NWD2: variants seen among roughly 807,000 people sequenced by gnomAD.
NWD2 encodes the protein NACHT and WD repeat domain containing 2.
In NWD2, 37 loss-of-function variants were observed where a neutral mutation model predicts 132.7. The observed-to-expected ratio is 0.28, with a 90% CI of 0.21 to 0.37. The LOEUF is 0.37. NWD2 is among the 10% of genes least tolerant of loss of function. The pLI is 1.00. For missense variants in NWD2, 1,592 were observed against 2,122.4 expected, an observed-to-expected ratio of 0.75 and a Z score of 4.91; for synonymous variants, 705 against 803.0, an observed-to-expected ratio of 0.88 and a Z score of 2.06.
rs763958665 is a variant in NWD2, at chr4:37,444,402, C to T, written c.2414C>T (p.Ser805Phe). Residue 805 changes from serine (S) to phenylalanine (F), a missense_variant, in exon 7 of 7, where the codon TCC (serine) becomes TTC (phenylalanine). By Grantham distance (155) the Ser-to-Phe change is radical. Coordinates refer to ENST00000309447, the MANE Select transcript of NWD2 (RefSeq NM_001144990.2). This position sits in a 1 kb window ranked among gnomAD's most constrained non-coding sequence, Gnocchi z 4.8. ...EEEKHFMEQA[S>F]FDRQAPDQPW... The stretch of plus-strand genomic sequence containing the variant: ...GAAAAGCACTTCATGGAACAGGCTT[C>T]CTTTGACAGGCAGGCTCCAGACCAG... 1 of 1,552,160 alleles carries T rather than the reference C, an allele frequency of 6.4e-7. No individual in the cohort carries two copies. Among genetic ancestry groups the T allele is most frequent in the Admixed American group, 2.0e-5 (1 of 51,004 alleles).
At chr4:37,441,881 A>T (rs1390371167) in intron 6 of NWD2, among the ~76,000 whole-genome samples, 1 of 152,148 alleles carries the variant, frequency 6.6e-6, no homozygotes, top group Non-Finnish European at 1.5e-5. Flanking sequence ...CATGACCATG[A>T]GCTCGTGATG....
chr4:37,333,492 G>A (rs1719335768), intron 2 of NWD2, among the ~76,000 whole-genome samples: 1 of 152,192 alleles, frequency 6.6e-6, no homozygotes, highest in Non-Finnish European at 1.5e-5. Context: ...CAAGGCAGAA[G>A]AGCCACGTGT....
In NWD2 at chr4:37,289,415, T is replaced by C. The variant is rs144920289; in HGVS notation, c.152-36521T>C. ...ATTTTATGATAAAAACTTTCAAAATTACAGGAAAGTTGAAAGAATTGTACA... is the reference window on the plus strand; with the variant it reads ...ATTTTATGATAAAAACTTTCAAAATCACAGGAAAGTTGAAAGAATTGTACA... On this transcript the variant is annotated intron_variant, in intron 1 of 6. Transcript: ENST00000309447. Among the ~76,000 whole-genome samples, 81 of 152,332 alleles carry C rather than the reference T, an allele frequency of 5.3e-4. No homozygotes were observed. In the East Asian group the frequency reaches 0.013, roughly 25 times the overall value.
At chr4:37,336,315 G>A (rs1473686395) in intron 2 of NWD2, among the ~76,000 whole-genome samples, 1 of 152,126 alleles carries the variant, frequency 6.6e-6, no homozygotes, top group African/African-American at 2.4e-5. Context: ...AATTATTAAT[G>A]AGGCATTTTA....
chr4:37,390,843 C>T (rs1464152143), intron 3 of NWD2, among the ~76,000 whole-genome samples: 1 of 152,160 alleles, frequency 6.6e-6, no homozygotes, highest in East Asian at 1.9e-4. Flanking sequence ...TATTTTATTT[C>T]ATTTTTGGAA....
intron 3 of NWD2, among the ~76,000 whole-genome samples, chr4:37,419,585 A>G (rs1257572002): frequency 6.6e-6 from 1 of 152,230 alleles, no homozygotes; most frequent in Non-Finnish European, 1.5e-5. Context: ...AAGTGGGCAA[A>G]GGATATAAAC....
At chr4:37,339,326 T>C (rs1229996167) in intron 2 of NWD2, among the ~76,000 whole-genome samples, 1 of 152,246 alleles carries the variant, frequency 6.6e-6, no homozygotes, top group Admixed American at 6.5e-5. Flanking sequence ...TTCTGCTGCC[T>C]GGAATGGCTC....
intron 3 of NWD2, among the ~76,000 whole-genome samples, chr4:37,378,436 T>G (rs1401967312): frequency 6.6e-6 from 1 of 152,230 alleles, no homozygotes; most frequent in Non-Finnish European, 1.5e-5. Context: ...TGTCAGTTGT[T>G]GTCCATTTTG....
At chr4:37,429,981 G>C (rs1219163414) in intron 3 of NWD2, among the ~76,000 whole-genome samples, 3 of 152,158 alleles carry the variant, frequency 2.0e-5, no homozygotes, top group African/African-American at 7.2e-5. Context: ...TAAAGGCTGA[G>C]TACATATTTG....
intron 3 of NWD2, among the ~76,000 whole-genome samples, chr4:37,395,946 G>T (rs964177238): frequency 4.6e-5 from 7 of 151,880 alleles, no homozygotes; most frequent in Non-Finnish European, 8.8e-5. Context: ...GATAGCACCT[G>T]TCTGAGATGT....
Position 37,446,543 on chromosome 4 carries a change from C to T in NWD2, c.4555C>T (p.Leu1519Phe), listed in dbSNP as rs1712641065. ...TGAAGTGATCTGTCGGCGCGTGCAA[C>T]TTCCAAACAACTTCTTGAAAAATCT... is the stretch of plus-strand genomic sequence containing the variant. Reference protein sequence around the residue: ...TDEVICRRVQLPNNFLKNLED... With the variant: ...TDEVICRRVQFPNNFLKNLED... The change falls in exon 7 of 7, where the codon CTT (leucine) becomes TTT (phenylalanine). Residue 1519 changes from leucine (L) to phenylalanine (F), a missense_variant. By Grantham distance (22) the Leu-to-Phe change is conservative. Transcript: ENST00000309447. The surrounding 1 kb of genome is among the most constrained non-coding windows in gnomAD (Gnocchi z 6.7). 6.4e-7 allele frequency: 1 copy of T among 1,551,666 alleles called. No homozygotes were observed. Among genetic ancestry groups the T allele is most frequent in the African/African-American group, 1.4e-5 (1 of 73,044 alleles).
At chr4:37,380,364 C>G (rs1180824914) in intron 3 of NWD2, among the ~76,000 whole-genome samples, 1 of 152,190 alleles carries the variant, frequency 6.6e-6, no homozygotes, top group East Asian at 1.9e-4. Flanking sequence ...TTTAAGAGTA[C>G]GGACTCTGAA....
At chr4:37,366,559 C>T (rs1179544085) in intron 3 of NWD2, among the ~76,000 whole-genome samples, 1 of 152,068 alleles carries the variant, frequency 6.6e-6, no homozygotes, top group Non-Finnish European at 1.5e-5. Flanking sequence ...TAATCTAAAT[C>T]TTCCTATTAA....
chr4:37,335,145 C>CT (rs1349598794), intron 2 of NWD2, among the ~76,000 whole-genome samples: 2 of 152,036 alleles, frequency 1.3e-5, no homozygotes, highest in African/African-American at 4.8e-5. Context: ...TGTGCAAGTT[C>CT]TTTTTTACCC....
intron 3 of NWD2, among the ~76,000 whole-genome samples, chr4:37,410,552 G>A (rs1442185414): frequency 6.6e-6 from 1 of 152,106 alleles, no homozygotes; most frequent in East Asian, 1.9e-4. Context: ...ATAATAGTGG[G>A]AGATTTTGAC....
intron 3 of NWD2, among the ~76,000 whole-genome samples, chr4:37,364,118 A>G (rs1414882254): frequency 6.6e-6 from 1 of 152,178 alleles, no homozygotes; most frequent in African/African-American, 2.4e-5. Context: ...AGCCTGGGCT[A>G]CAGAGCGAGA....
chr4:37,306,470 T>C (rs1229834584), intron 1 of NWD2, among the ~76,000 whole-genome samples: 2 of 152,208 alleles, frequency 1.3e-5, no homozygotes, highest in East Asian at 3.8e-4. Context: ...TGAACTTCAC[T>C]TAATACTGCC....
Position 37,390,479 on chromosome 4 carries a change from A to G in NWD2, c.357+33997A>G, listed in dbSNP as rs183478826. Among the ~76,000 whole-genome samples the G allele has an allele frequency of 3.7e-3, 568 of 151,964 alleles. 1 individual carries two copies. The highest frequency in any genetic ancestry group is 0.013 in the African/African-American group (539 of 41,428). The stretch of plus-strand genomic sequence containing the variant: ...CACTGGTCTAAGAAATTTGGTTTAT[A>G]GTAAATCAGGGATGAATACTGGAAT... On this transcript the variant is annotated intron_variant, in intron 3 of 6. Transcript: ENST00000309447.
chr4:37,406,993 C>A (rs552242174), intron 3 of NWD2, among the ~76,000 whole-genome samples: 2 of 151,942 alleles, frequency 1.3e-5, no homozygotes, highest in African/African-American at 2.4e-5. Flanking sequence ...AACAGAAAAC[C>A]AAACACCGCA....
Sources: allele counts gnomAD v4.1 joint callset (sites outside exome capture counted in the v4.1 genomes callset), GRCh38; gene constraint gnomAD v4.1.1; non-coding constraint Gnocchi (gnomAD v3.1); transcripts MANE v1.5; gene names NCBI Gene and HGNC (gene_info 2026-07-23, HGNC 2026-07-21).